LANCL2: variants seen among roughly 807,000 people sequenced by gnomAD.
LANCL2 encodes the protein LanC like glutathione S-transferase 2.
In LANCL2, 33 loss-of-function variants were observed where a neutral mutation model predicts 56.9. The ratio of observed to expected loss-of-function variants is 0.58; its 90% CI spans 0.44 to 0.78. The LOEUF (loss-of-function observed/expected upper bound fraction) is 0.78. Ranked by LOEUF, LANCL2 falls within the 30% of genes least tolerant of loss-of-function variation. The probability of loss-of-function intolerance (pLI) is 0.00; values close to 1 mark genes in which losing one functional copy is unlikely to be tolerated. For synonymous variants in LANCL2, 233 were observed against 228.2 expected, an observed-to-expected ratio of 1.02 and a Z score of -0.19; for missense variants, 562 against 580.2, an observed-to-expected ratio of 0.97 and a Z score of 0.32.
rs370872646 is a variant in LANCL2, at chr7:55,400,223, A to T, written c.678+119A>T. On this transcript the variant is annotated intron_variant, in intron 4 of 8. Coordinates refer to ENST00000254770, the MANE Select transcript of LANCL2 (RefSeq NM_018697.4). The stretch of plus-strand genomic sequence containing the variant: ...TAGCATTACTTTTTTAAAGCAACTC[A>T]TCAAAAGTAAGAAATAGTCCCTGCT... 17 of 839,520 alleles carry T rather than the reference A, an allele frequency of 2.0e-5. No homozygotes were observed. The African/African-American group carries it at 2.4e-4, about 12-fold the overall frequency. The allele number at this position is 839,520 out of a possible 1,614,324, so 52.0% of individuals were successfully genotyped here. A position where few individuals can be genotyped will look rare whatever the true frequency, so the allele number is the denominator to read the frequency against.
intron 1 of LANCL2, among the ~76,000 whole-genome samples, chr7:55,384,269 C>A (rs1436022020): frequency 6.6e-6 from 1 of 152,134 alleles, no homozygotes; most frequent in Non-Finnish European, 1.5e-5. Flanking sequence ...TTTATAGATG[C>A]AGGGCCGGGT....
In LANCL2 at chr7:55,399,985, T is replaced by G; in HGVS notation, c.559T>G (p.Cys187Gly). The G allele has an allele frequency of 6.2e-7, 1 of 1,613,306 alleles. No individual in the cohort carries two copies. Among genetic ancestry groups the G allele is most frequent in the Non-Finnish European group, 8.5e-7 (1 of 1,179,436 alleles). The change falls in exon 4 of 9, where the codon TGC becomes GGC. Residue 187 changes from cysteine (C) to glycine (G), a missense_variant. This residue lies in a region of LANCL2 where 378 missense variants were observed against 468.4 expected (regional missense o/e 0.81). Coordinates refer to ENST00000254770, the MANE Select transcript of LANCL2 (RefSeq NM_018697.4). ...KLLQLQRSVV[C>G]QESDLPDELL... is the part of the protein sequence containing the mutation. Reference sequence around the variant, plus strand: ...TTTGCAGCTCCAGAGATCGGTTGTCTGCCAAGAATCAGACCTTCCTGATGA... The same window carrying G: ...TTTGCAGCTCCAGAGATCGGTTGTCGGCCAAGAATCAGACCTTCCTGATGA...
chr7:55,404,020 C>G (rs1168998990), intron 5 of LANCL2, among the ~76,000 whole-genome samples: 1 of 152,176 alleles, frequency 6.6e-6, no homozygotes, highest in Non-Finnish European at 1.5e-5. Flanking sequence ...TGTCAGTTGT[C>G]TTCTGTGCTT....
chr7:55,375,062 C>A (rs1052579352), intron 1 of LANCL2, among the ~76,000 whole-genome samples: 47 of 152,260 alleles, frequency 3.1e-4, no homozygotes, highest in African/African-American at 1.1e-3. Context: ...ATTATTCATA[C>A]CTAAATGTTC....
chr7:55,397,480 A>G (rs974972034), intron 2 of LANCL2, among the ~76,000 whole-genome samples: 15 of 139,480 alleles, frequency 1.1e-4, no homozygotes, highest in East Asian at 4.2e-4. Context: ...AAAAAAAAAA[A>G]GCAAAATGAA....
chr7:55,393,184 C>T (rs2128992990), intron 2 of LANCL2, among the ~76,000 whole-genome samples: 1 of 152,268 alleles, frequency 6.6e-6, no homozygotes, highest in Non-Finnish European at 1.5e-5. Context: ...TTGCTAATGA[C>T]AATTTATATA....
intron 6 of LANCL2, among the ~76,000 whole-genome samples, chr7:55,423,251 G>C (rs1790627941): frequency 6.6e-6 from 1 of 152,230 alleles, no homozygotes; most frequent in Non-Finnish European, 1.5e-5. Flanking sequence ...GGGCATGGTA[G>C]GCTGCTGGTG....
chr7:55,410,940 GATGTCATGTGGTGAC>G (rs1790463633), intron 5 of LANCL2, among the ~76,000 whole-genome samples: 2 of 88,862 alleles, frequency 2.3e-5, no homozygotes, highest in South Asian at 6.8e-4. Flanking sequence ...TCATTCTAAG[GATGTCATGTGGTGAC>G]ATGTCACCCT....
At chr7:55,397,656 C>CTG (rs1790270322) in intron 2 of LANCL2, among the ~76,000 whole-genome samples, 2 of 108,852 alleles carry the variant, frequency 1.8e-5, no homozygotes, top group Admixed American at 2.1e-4. Flanking sequence ...TATACTGATT[C>CTG]TTTTTTTTTT....
chr7:55,407,457 TC>T (rs1790421558), intron 5 of LANCL2, among the ~76,000 whole-genome samples: 1 of 152,194 alleles, frequency 6.6e-6, no homozygotes, highest in African/African-American at 2.4e-5. Flanking sequence ...AAAAAGTTAG[TC>T]TGCCATCCAT....
intron 6 of LANCL2, among the ~76,000 whole-genome samples, chr7:55,418,415 A>G (rs987436804): frequency 6.6e-6 from 1 of 151,974 alleles, no homozygotes; most frequent in Non-Finnish European, 1.5e-5. Flanking sequence ...CCCAAGTTCA[A>G]GGGTTCTACC....
chr7:55,393,108 A>G (rs2128992981), intron 2 of LANCL2, among the ~76,000 whole-genome samples: 1 of 152,370 alleles, frequency 6.6e-6, no homozygotes, highest in African/African-American at 2.4e-5. Context: ...CATTCTAATA[A>G]TTATTCGGGG....
intron 5 of LANCL2, among the ~76,000 whole-genome samples, chr7:55,407,848 A>G (rs1303793624): frequency 1.3e-5 from 2 of 152,196 alleles, no homozygotes; most frequent in African/African-American, 4.8e-5. Flanking sequence ...ACTTCTTTGG[A>G]GACCCCTGGC....
rs766991452 is a variant in LANCL2 at position 55,366,015 on chromosome 7, C to T, written c.-11C>T. 2.8e-6 allele frequency: 4 copies of T among 1,433,676 alleles called. No homozygotes were observed. The highest frequency in any genetic ancestry group is 3.0e-5 in the African/African-American group (2 of 66,628). The allele number at this position is 1,433,676 out of a possible 1,614,324, so 88.8% of individuals were successfully genotyped here. ...GGTTTGTCCCCGCCCGCGCGCCGTA[C>T]CGCGGCGGAGATGGGCGAGACCATG... On this transcript the variant is annotated 5_prime_UTR_variant, in exon 1 of 9. Coordinates refer to ENST00000254770, the MANE Select transcript of LANCL2 (RefSeq NM_018697.4).
At chr7:55,412,715 C>G (rs766910190) in intron 6 of LANCL2, among the ~76,000 whole-genome samples, 1 of 152,144 alleles carries the variant, frequency 6.6e-6, no homozygotes, top group African/African-American at 2.4e-5. Flanking sequence ...AGTGATGCTT[C>G]TTTTATAATT....
At chr7:55,429,896 T>C (rs1300693080) in intron 8 of LANCL2, among the ~76,000 whole-genome samples, 1 of 152,246 alleles carries the variant, frequency 6.6e-6, no homozygotes, top group African/African-American at 2.4e-5. Flanking sequence ...CAAATTCCCG[T>C]CAGGGGACGG....
At chr7:55,378,918 G>C (rs942620342) in intron 1 of LANCL2, among the ~76,000 whole-genome samples, 2 of 152,206 alleles carry the variant, frequency 1.3e-5, no homozygotes, top group African/African-American at 4.8e-5. Context: ...GGATCACGAG[G>C]TCAGGAGATC....
At chr7:55,376,848 C>T (rs570596728) in intron 1 of LANCL2, among the ~76,000 whole-genome samples, 1 of 152,312 alleles carries the variant, frequency 6.6e-6, no homozygotes, top group South Asian at 2.1e-4. Flanking sequence ...GTGCCTGGCA[C>T]ATGGAAAGCA....
intron 1 of LANCL2, among the ~76,000 whole-genome samples, chr7:55,372,458 TTAA>T (rs1187633666): frequency 6.6e-6 from 1 of 152,246 alleles, no homozygotes; most frequent in Non-Finnish European, 1.5e-5. Context: ...ACTGAGGTTC[TTAA>T]TATAACATAG....
Sources: allele counts gnomAD v4.1 joint callset (sites outside exome capture counted in the v4.1 genomes callset), GRCh38; gene constraint gnomAD v4.1.1; regional missense constraint gnomAD v4.1.1; transcripts MANE v1.5; gene names NCBI Gene and HGNC (gene_info 2026-07-23, HGNC 2026-07-21).